The following SLIT3 variants were observed in gnomAD, a reference collection of about 807,000 sequenced individuals.
The protein encoded by SLIT3 is slit guidance ligand 3, also known as slit homolog 3 protein.
In SLIT3, 68 loss-of-function variants were observed where a neutral mutation model predicts 184.0. The ratio of observed to expected loss-of-function variants is 0.37; its 90% CI spans 0.30 to 0.45. SLIT3 has a LOEUF of 0.45. Among genes scored for constraint, SLIT3 ranks in the 20% least tolerant of loss-of-function variants. The pLI, the probability that SLIT3 is intolerant of heterozygous loss-of-function variation, is 1.00. For missense variants in SLIT3, 1,707 were observed against 2,026.0 expected (o/e 0.84, Z 3.02); for synonymous variants, 831 against 828.6 (o/e 1.00, Z -0.05).
At chr5:168,930,397 G>C (rs1314916939) in intron 4 of SLIT3, among the ~76,000 whole-genome samples, 4 of 152,164 alleles carry the variant, frequency 2.6e-5, no homozygotes, top group Non-Finnish European at 5.9e-5. Flanking sequence ...TTTGCATGCT[G>C]AATGGTTTGC....
chr5:169,101,270 G>A (rs1743365812), intron 4 of SLIT3, among the ~76,000 whole-genome samples: 1 of 152,132 alleles, frequency 6.6e-6, no homozygotes, highest in Admixed American at 6.5e-5. Context: ...CCCACCCAAG[G>A]TCATTACTGG....
chr5:169,002,368 A>T (rs886702091), intron 4 of SLIT3, among the ~76,000 whole-genome samples: 1 of 149,430 alleles, frequency 6.7e-6, no homozygotes, highest in Non-Finnish European at 1.5e-5. Flanking sequence ...AAAAAAGAAA[A>T]AGCAATGGGG....
intron 4 of SLIT3, among the ~76,000 whole-genome samples, chr5:169,065,294 T>C (rs1006333498): frequency 1.3e-5 from 2 of 152,186 alleles, no homozygotes; most frequent in African/African-American, 4.8e-5. Context: ...AGCTACCGTC[T>C]AGTGTATCAC....
chr5:169,039,409 C>T (rs113350512), intron 4 of SLIT3, among the ~76,000 whole-genome samples: 19,318 of 150,998 alleles, frequency 0.13, 1,577 homozygotes, highest in East Asian at 0.42. Flanking sequence ...CTCCACTTCC[C>T]GGGTTCATGC....
At chr5:168,829,688 A>G (rs1561955728) in intron 6 of SLIT3, among the ~76,000 whole-genome samples, 1 of 152,242 alleles carries the variant, frequency 6.6e-6, no homozygotes, top group Admixed American at 6.5e-5. Flanking sequence ...AGAAAGTGCA[A>G]TCTCTGCCAG....
chr5:168,789,436 T>C lies in SLIT3; in HGVS notation c.1079+124A>G, dbSNP rs76365630. ...GAAATATTTGTTTCTTTTACCAGGT[T>C]GCCACAAGTGTGTAAGGGAACATAA... is the stretch of plus-strand genomic sequence containing the variant. On this transcript the variant is annotated intron_variant, in intron 11 of 35. Coordinates refer to ENST00000519560, the MANE Select transcript of SLIT3 (RefSeq NM_003062.4). The C allele has an allele frequency of 3.0e-3, 1,935 of 644,356 alleles. 33 individuals carry two copies. In the African/African-American group the frequency reaches 0.032, roughly 11 times the overall value. The allele number at this position is 644,356 out of a possible 1,614,324, so 39.9% of individuals were successfully genotyped here. A position where few individuals can be genotyped will look rare whatever the true frequency, so the allele number is the denominator to read the frequency against.
chr5:168,938,600 C>T (rs1762235123), intron 4 of SLIT3, among the ~76,000 whole-genome samples: 1 of 152,034 alleles, frequency 6.6e-6, no homozygotes, highest in Non-Finnish European at 1.5e-5. Context: ...ATCTCCTTCC[C>T]CTTCTGCCTT....
At chr5:168,760,812 G>T in intron 16 of SLIT3, 50 bp downstream of exon 16, 3 of 1,369,356 alleles carry the variant, frequency 2.2e-6, no homozygotes, top group Non-Finnish European at 3.1e-6. Context: ...TAGAACACAG[G>T]CTCTGGCTAG....
chr5:168,841,919 G>A (rs1758268129), intron 6 of SLIT3, among the ~76,000 whole-genome samples: 1 of 152,144 alleles, frequency 6.6e-6, no homozygotes, highest in Non-Finnish European at 1.5e-5. Flanking sequence ...TTAAGCTTTA[G>A]ATATTTTAAA....
chr5:168,772,317 T>C (rs187748097), intron 14 of SLIT3: 9,915 of 175,386 alleles, frequency 0.057, 352 homozygotes, highest in Non-Finnish European at 0.079. Context: ...CAAAGGGCTG[T>C]ACCATGGTCT....
chr5:168,772,546 C>T (rs567880861), intron 14 of SLIT3: 26 of 531,612 alleles, frequency 4.9e-5, no homozygotes, highest in Non-Finnish European at 7.3e-5. Context: ...CCCCTGCAAC[C>T]GTCTCCTCCT....
At chr5:168,985,610 A>G (rs1305345913) in intron 4 of SLIT3, among the ~76,000 whole-genome samples, 3 of 152,122 alleles carry the variant, frequency 2.0e-5, no homozygotes, top group African/African-American at 7.2e-5. Flanking sequence ...TGGGCGCAGC[A>G]TGTGGTCTGG....
chr5:168,986,872 A>C (rs1442345572), intron 4 of SLIT3, among the ~76,000 whole-genome samples: 2 of 152,194 alleles, frequency 1.3e-5, no homozygotes, highest in Non-Finnish European at 2.9e-5. Flanking sequence ...AACTCATGAT[A>C]TACACATTGT....
intron 26 of SLIT3, among the ~76,000 whole-genome samples, chr5:168,702,102 G>A (rs1012561980): frequency 6.6e-6 from 1 of 152,236 alleles, no homozygotes; most frequent in Admixed American, 6.5e-5. Context: ...GACAGGGAGA[G>A]TGCAGTTTGG....
chr5:169,138,820 G>C (rs1405170258), intron 4 of SLIT3, among the ~76,000 whole-genome samples: 1 of 152,228 alleles, frequency 6.6e-6, no homozygotes, highest in Non-Finnish European at 1.5e-5. Flanking sequence ...TGCGAGTCAA[G>C]CAAGTGCTTC....
In SLIT3 at chr5:168,762,643, G is replaced by A. The variant is rs150725100; in HGVS notation, c.1506C>T (p.Asp502=). Residue 502 remains aspartate (D), a synonymous_variant, in exon 15 of 36, where the codon GAC becomes GAT. Transcript: ENST00000519560. ...RSRFSSECFM[D]LVCPEKCRCE... ...AGCGACACTTCTCGGGGCACACGAG[G>A]TCCATGAAGCACTCGCTGCTGAACC... 5,934 of 1,614,122 alleles carry A rather than the reference G, an allele frequency of 3.7e-3. 19 individuals are homozygous for A. Among genetic ancestry groups the A allele is most frequent in the Non-Finnish European group, 4.8e-3 (5,687 of 1,179,990 alleles).
At chr5:168,747,086 C>A (rs1438863443) in intron 20 of SLIT3, among the ~76,000 whole-genome samples, 9 of 151,888 alleles carry the variant, frequency 5.9e-5, no homozygotes, top group African/African-American at 2.2e-4. Flanking sequence ...TGGCTCTGCC[C>A]GCTCCCATAC....
chr5:169,020,359 A>C (rs1257775352), intron 4 of SLIT3, among the ~76,000 whole-genome samples: 3 of 152,150 alleles, frequency 2.0e-5, no homozygotes, highest in African/African-American at 7.2e-5. Flanking sequence ...TGGTCCGTGA[A>C]ACTTCCCTGA....
chr5:169,011,955 T>C (rs1443060085), intron 4 of SLIT3, among the ~76,000 whole-genome samples: 1 of 151,924 alleles, frequency 6.6e-6, no homozygotes, highest in Non-Finnish European at 1.5e-5. Context: ...GCTTTTTTTT[T>C]TTTTTGGTTT....
Sources: gnomAD v4.1 joint callset for allele counts (sites outside exome capture counted in the v4.1 genomes callset) on GRCh38, gnomAD v4.1.1 for gene constraint, MANE v1.5 for transcripts, NCBI Gene and HGNC (gene_info 2026-07-23, HGNC 2026-07-21) for gene names.